SRD5A2: variants seen among roughly 807,000 people sequenced by gnomAD.
SRD5A2 encodes steroid 5 alpha-reductase 2, also known as 3-oxo-5-alpha-steroid 4-dehydrogenase 2.
In SRD5A2, 30 loss-of-function variants were observed where a neutral mutation model predicts 27.4. The ratio of observed to expected loss-of-function variants is 1.10; its 90% CI spans 0.82 to 1.49. The LOEUF is 1.49. SRD5A2 is among the 40% of genes most tolerant of loss of function. SRD5A2 has a pLI of 0.00. For synonymous variants in SRD5A2, 141 were observed against 133.6 expected, an observed-to-expected ratio of 1.06 and a Z score of -0.38; for missense variants, 348 against 323.4, an observed-to-expected ratio of 1.08 and a Z score of -0.58.
intron 1 of SRD5A2, among the ~76,000 whole-genome samples, chr2:31,541,662 G>A (rs1666132129): frequency 6.6e-6 from 1 of 152,106 alleles, no homozygotes. Context: ...TCATATTGCT[G>A]AAAGAGGCAC....
chr2:31,631,969 T>C, the SRD5A2 span, among the ~76,000 whole-genome samples: 3 of 151,960 alleles, frequency 2.0e-5, no homozygotes, highest in Non-Finnish European at 2.9e-5. Context: ...CCCTATAACA[T>C]AGGGAAAGGA....
In SRD5A2 at chr2:31,580,909, G is replaced by A; in HGVS notation, c.-9C>T. 5 of 1,589,664 alleles carry A rather than the reference G, an allele frequency of 3.1e-6. No homozygotes were observed. The highest frequency in any genetic ancestry group is 4.3e-6 in the Non-Finnish European group (5 of 1,165,918). Reference sequence around the variant, plus strand: ...TGGCACTGAACCTGCATCGCGCCGTGTTCCTCGCCGGTGGCCGCTGCCCTC... The same window carrying A: ...TGGCACTGAACCTGCATCGCGCCGTATTCCTCGCCGGTGGCCGCTGCCCTC... On this transcript the variant is annotated 5_prime_UTR_variant, in exon 1 of 5. Coordinates refer to ENST00000622030, the MANE Select transcript of SRD5A2 (RefSeq NM_000348.4).
Position 31,552,393 on chromosome 2 carries a change from GT to G in SRD5A2, c.282-18628del, listed in dbSNP as rs564934166. Among the ~76,000 whole-genome samples, 302 of 152,078 alleles carry G rather than the reference GT, an allele frequency of 2.0e-3. 1 individual carries two copies. The highest frequency in any genetic ancestry group is 3.2e-3 in the Non-Finnish European group (216 of 67,972). ...AGTGGAATGACCATCCGGCATCCCA[GT>G]CTTTCAGTGAATTGTCCAAGGGGAC... is the stretch of plus-strand genomic sequence containing the variant. On this transcript the variant is annotated intron_variant, in intron 1 of 4. Transcript: ENST00000622030.
intron 1 of SRD5A2, among the ~76,000 whole-genome samples, chr2:31,537,540 G>A (rs28383025): frequency 6.6e-6 from 1 of 152,126 alleles, no homozygotes; most frequent in African/African-American, 2.4e-5. Context: ...ACACTCTCTT[G>A]GTTCTTCTGC....
At chr2:31,638,648 G>A in the SRD5A2 span, among the ~76,000 whole-genome samples, 1 of 151,838 alleles carries the variant, frequency 6.6e-6, no homozygotes. Context: ...TCCTCTTGCT[G>A]TATTGACCGC....
chr2:31,649,732 T>C, the SRD5A2 span, among the ~76,000 whole-genome samples: 1 of 152,228 alleles, frequency 6.6e-6, no homozygotes, highest in South Asian at 2.1e-4. Flanking sequence ...GTATAGCATT[T>C]TTTGAATCTG....
At chr2:31,604,426 AT>A in the SRD5A2 span, among the ~76,000 whole-genome samples, 5 of 151,802 alleles carry the variant, frequency 3.3e-5, no homozygotes, top group African/African-American at 1.2e-4. Context: ...GATACAAAAA[AT>A]ATTAGATCTG....
the SRD5A2 span, among the ~76,000 whole-genome samples, chr2:31,630,856 C>T: frequency 6.6e-6 from 1 of 152,158 alleles, no homozygotes; most frequent in Non-Finnish European, 1.5e-5. Context: ...AAAGGTCCGA[C>T]CAGACCTAGA....
the SRD5A2 span, among the ~76,000 whole-genome samples, chr2:31,602,635 T>C: frequency 5.3e-5 from 8 of 152,062 alleles, no homozygotes; most frequent in South Asian, 4.1e-4. Context: ...GCTGGCGATA[T>C]CATGCTACCC....
chr2:31,602,362 G>A, the SRD5A2 span, among the ~76,000 whole-genome samples: 10 of 151,580 alleles, frequency 6.6e-5, no homozygotes, highest in East Asian at 1.9e-3. Flanking sequence ...CAAAGGAAGT[G>A]AAGGATCAAG....
At chr2:31,640,755 G>C in the SRD5A2 span, among the ~76,000 whole-genome samples, 1 of 152,096 alleles carries the variant, frequency 6.6e-6, no homozygotes, top group South Asian at 2.1e-4. Context: ...TTACAAAGCA[G>C]AGTCCCCAGG....
intron 4 of SRD5A2, chr2:31,527,550 C>T (rs1665809923): frequency 6.6e-6 from 1 of 152,218 alleles, no homozygotes; most frequent in Admixed American, 6.5e-5. Flanking sequence ...GTTGTTGCAG[C>T]AGCTGGAAAC....
chr2:31,639,272 A>G, the SRD5A2 span, among the ~76,000 whole-genome samples: 1 of 152,056 alleles, frequency 6.6e-6, no homozygotes, highest in Admixed American at 6.6e-5. Flanking sequence ...GTCTCAGTTT[A>G]CATATTATTA....
At chr2:31,544,869 T>C (rs528351084) in intron 1 of SRD5A2, among the ~76,000 whole-genome samples, 1 of 151,944 alleles carries the variant, frequency 6.6e-6, no homozygotes, top group East Asian at 1.9e-4. Context: ...AAGTGGGACA[T>C]TACTACTTAT....
intron 1 of SRD5A2, among the ~76,000 whole-genome samples, chr2:31,544,482 G>A (rs1201519314): frequency 6.6e-6 from 1 of 151,772 alleles, no homozygotes; most frequent in African/African-American, 2.4e-5. Flanking sequence ...AAAGCAAAGG[G>A]AAATTAGAAA....
intron 1 of SRD5A2, among the ~76,000 whole-genome samples, chr2:31,558,835 G>C (rs535854267): frequency 6.6e-6 from 1 of 152,170 alleles, no homozygotes; most frequent in Non-Finnish European, 1.5e-5. Context: ...AGACTGTACC[G>C]TCTAGGTTTG....
At chr2:31,601,589 T>C in the SRD5A2 span, among the ~76,000 whole-genome samples, 3 of 151,908 alleles carry the variant, frequency 2.0e-5, no homozygotes, top group Non-Finnish European at 4.4e-5. Context: ...ATTCTGATAC[T>C]AAAACCTGGC....
chr2:31,648,935 T>TA, the SRD5A2 span, among the ~76,000 whole-genome samples: 11 of 152,186 alleles, frequency 7.2e-5, no homozygotes, highest in Non-Finnish European at 1.0e-4. Flanking sequence ...CTAGAAAGAC[T>TA]AGCAGAAAAC....
the SRD5A2 span, among the ~76,000 whole-genome samples, chr2:31,631,593 A>T: frequency 5.9e-5 from 9 of 152,098 alleles, no homozygotes; most frequent in Non-Finnish European, 1.2e-4. Context: ...AAATAGACCT[A>T]GGTAAATTCT....
Sources: gnomAD v4.1 joint callset for allele counts (sites outside exome capture counted in the v4.1 genomes callset) on GRCh38, gnomAD v4.1.1 for gene constraint, MANE v1.5 for transcripts, NCBI Gene and HGNC (gene_info 2026-07-23, HGNC 2026-07-21) for gene names.